The following NELL1 variants were observed in gnomAD, a reference collection of about 807,000 sequenced individuals.
NELL1 encodes protein kinase C-binding protein NELL1.
A neutral mutation model predicts 107.4 loss-of-function variants in NELL1; 76 were observed. The ratio of observed to expected loss-of-function variants is 0.71; its 90% CI spans 0.59 to 0.86. NELL1 has a LOEUF of 0.86. NELL1 is among the 40% of genes least tolerant of loss of function. NELL1 has a pLI of 0.00. For missense variants in NELL1, 1,024 were observed against 1,005.5 expected, an observed-to-expected ratio of 1.02 and a Z score of -0.25; for synonymous variants, 353 against 341.2, an observed-to-expected ratio of 1.03 and a Z score of -0.38.
intron 15 of NELL1, among the ~76,000 whole-genome samples, chr11:21,414,457 C>T (rs948014806): frequency 6.6e-6 from 1 of 151,858 alleles, no homozygotes; most frequent in Admixed American, 6.6e-5. Context: ...TTTTTAGTGA[C>T]CATAGAAAGT....
chr11:20,904,268 T>C (rs947641849), intron 5 of NELL1, among the ~76,000 whole-genome samples: 9 of 151,120 alleles, frequency 6.0e-5, no homozygotes, highest in African/African-American at 2.2e-4. Context: ...TATTTCAAAA[T>C]AGCTACAAGA....
intron 14 of NELL1, among the ~76,000 whole-genome samples, chr11:21,232,158 A>AT (rs1858074725): frequency 5.8e-4 from 32 of 55,266 alleles, no homozygotes; most frequent in African/African-American, 2.3e-3. Flanking sequence ...AAAAAAAAAA[A>AT]AATATATATA....
chr11:21,446,104 C>T (rs946984229), intron 15 of NELL1, among the ~76,000 whole-genome samples: 3 of 151,908 alleles, frequency 2.0e-5, no homozygotes. Context: ...CTTTCTTCTG[C>T]TTGACCAATT....
At position 21,162,425 on chromosome 11, in the gene NELL1, A is replaced by G. The variant is rs142881548; in HGVS notation, c.1426+48711A>G. ...AACAAGAGGTCAGGAAATCTACTGT[A>G]TTAGTTAACTAGATTAACGTATTTG... On this transcript the variant is annotated intron_variant, in intron 13 of 19. Coordinates refer to ENST00000357134, the MANE Select transcript of NELL1 (RefSeq NM_006157.5). Among the ~76,000 whole-genome samples the G allele has an allele frequency of 2.6e-3, 395 of 152,310 alleles. 2 individuals carry two copies. Among genetic ancestry groups the G allele is most frequent in the African/African-American group, 8.8e-3 (367 of 41,572 alleles).
chr11:20,928,445 G>A lies in NELL1; in HGVS notation c.963G>A (p.Val321=), dbSNP rs763560146. The change falls in exon 9 of 20, where the codon GTG becomes GTA. Residue 321 remains valine (V), a synonymous_variant. Coordinates refer to ENST00000357134, the MANE Select transcript of NELL1 (RefSeq NM_006157.5). ...PLNCSPDSLP[V]HIAGQCCKVC... ...ATTGCTCCCCAGACTCCCTCCCAGT[G>A]CACATTGCTGGCCAGTGCTGTAAGG... is the stretch of plus-strand genomic sequence containing the variant. 2 of 1,614,014 alleles carry A rather than the reference G, an allele frequency of 1.2e-6. No individual in the cohort carries two copies. Among genetic ancestry groups the A allele is most frequent in the East Asian group, 2.2e-5 (1 of 44,858 alleles).
intron 12 of NELL1, among the ~76,000 whole-genome samples, chr11:21,047,160 T>A (rs1853376739): frequency 6.6e-6 from 1 of 152,146 alleles, no homozygotes; most frequent in South Asian, 2.1e-4. Flanking sequence ...AATTTAAGTA[T>A]GAGAAATGTT....
intron 12 of NELL1, among the ~76,000 whole-genome samples, chr11:21,036,061 CA>C (rs1853084414): frequency 6.6e-6 from 1 of 151,826 alleles, no homozygotes; most frequent in Admixed American, 6.6e-5. Flanking sequence ...AATAAATGTG[CA>C]AAAAAATTAA....
chr11:21,144,973 C>T (rs1478245966), intron 13 of NELL1, among the ~76,000 whole-genome samples: 2 of 152,142 alleles, frequency 1.3e-5, no homozygotes, highest in Non-Finnish European at 2.9e-5. Context: ...TCATTTTAAC[C>T]TCTTTGCACC....
intron 15 of NELL1, among the ~76,000 whole-genome samples, chr11:21,495,973 T>C (rs1269877926): frequency 6.6e-6 from 1 of 152,114 alleles, no homozygotes; most frequent in African/African-American, 2.4e-5. Flanking sequence ...GTGGGTCCAC[T>C]TTAAAAATAA....
intron 14 of NELL1, among the ~76,000 whole-genome samples, chr11:21,287,948 G>C (rs1849161092): frequency 6.6e-6 from 1 of 151,342 alleles, no homozygotes; most frequent in East Asian, 2.0e-4. Flanking sequence ...GATAGGGACA[G>C]GCTCTTAGTT....
At chr11:21,349,071 G>A (rs1850745491) in intron 14 of NELL1, among the ~76,000 whole-genome samples, 1 of 152,102 alleles carries the variant, frequency 6.6e-6, no homozygotes, top group South Asian at 2.1e-4. Context: ...AAGCACAAAA[G>A]GTCATTTGGC....
At chr11:21,282,495 A>T (rs1434502557) in intron 14 of NELL1, among the ~76,000 whole-genome samples, 2 of 151,984 alleles carry the variant, frequency 1.3e-5, no homozygotes, top group East Asian at 3.9e-4. Context: ...AAAAAAAAAA[A>T]AAAGGCTTAT....
At chr11:20,862,095 C>T (rs1848989306) in intron 4 of NELL1, among the ~76,000 whole-genome samples, 1 of 152,196 alleles carries the variant, frequency 6.6e-6, no homozygotes, top group African/African-American at 2.4e-5. Context: ...TTGATTCTGC[C>T]TTCCTTGGCA....
intron 3 of NELL1, among the ~76,000 whole-genome samples, chr11:20,825,736 G>C (rs1192791278): frequency 6.6e-6 from 1 of 151,178 alleles, no homozygotes; most frequent in Non-Finnish European, 1.5e-5. Flanking sequence ...TAAGAATATG[G>C]ACTTGGACTT....
intron 12 of NELL1, among the ~76,000 whole-genome samples, chr11:21,097,582 G>A (rs77449376): frequency 6.6e-6 from 1 of 152,078 alleles, no homozygotes; most frequent in African/African-American, 2.4e-5. Flanking sequence ...GTGCAATTTC[G>A]GGGGAACAAT....
intron 2 of NELL1, among the ~76,000 whole-genome samples, chr11:20,744,414 T>C (rs1326996085): frequency 6.6e-6 from 1 of 152,254 alleles, no homozygotes; most frequent in Non-Finnish European, 1.5e-5. Context: ...CAGCTATTGC[T>C]GTATAACACA....
At chr11:20,778,267 C>T (rs1205983090) in intron 2 of NELL1, among the ~76,000 whole-genome samples, 1 of 152,156 alleles carries the variant, frequency 6.6e-6, no homozygotes, top group Non-Finnish European at 1.5e-5. Flanking sequence ...GCTTACGTGT[C>T]TATCCTCTAG....
At chr11:21,082,546 T>C (rs185161063) in intron 12 of NELL1, among the ~76,000 whole-genome samples, 45 of 152,220 alleles carry the variant, frequency 3.0e-4, no homozygotes, top group Middle Eastern at 3.4e-3. Context: ...AAATTCATTT[T>C]TCTAAAATAC....
chr11:21,001,852 C>T (rs567492654), intron 12 of NELL1, among the ~76,000 whole-genome samples: 66 of 150,192 alleles, frequency 4.4e-4, no homozygotes, highest in African/African-American at 1.6e-3. Flanking sequence ...AGACTGTTCA[C>T]TATCTGACTC....
Sources: gnomAD v4.1 joint callset for allele counts (sites outside exome capture counted in the v4.1 genomes callset) on GRCh38, gnomAD v4.1.1 for gene constraint, MANE v1.5 for transcripts, NCBI Gene and HGNC (gene_info 2026-07-23, HGNC 2026-07-21) for gene names.